The following AFAP1 variants were observed in gnomAD, a reference collection of about 807,000 sequenced individuals.
AFAP1 encodes actin filament-associated protein 1.
Under a neutral mutation model 93.9 loss-of-function variants are expected in AFAP1, and 75 were observed. That is an observed-to-expected ratio of 0.80 (90% confidence interval 0.66 to 0.97). The LOEUF (loss-of-function observed/expected upper bound fraction) is 0.97, where lower values mean the gene tolerates loss of function less well. Ranked by LOEUF, AFAP1 falls within the 50% of genes least tolerant of loss-of-function variation. AFAP1 has a pLI of 0.00. For synonymous variants in AFAP1, 517 were observed against 430.7 expected (o/e 1.20, Z -2.48); for missense variants, 1,201 against 1,050.8 (o/e 1.14, Z -1.98).
chr4:7,868,502 G>T, intron 3 of AFAP1, 120 bp downstream of exon 3: 1 of 774,226 alleles, frequency 1.3e-6, no homozygotes, highest in Non-Finnish European at 2.0e-6. Context: ...TCAAAGGAGT[G>T]CCTCGAGACA....
In AFAP1 at chr4:7,869,388, C is replaced by T. The variant is rs116345655; in HGVS notation, c.128-669G>A. 5.8e-3 allele frequency among the ~76,000 whole-genome samples: 889 copies of T among 152,294 alleles called. 7 individuals are homozygous for T. The highest frequency in any genetic ancestry group is 0.019 in the African/African-American group (776 of 41,550). ...CAACTTCTACTCAGGGCAGGCAGGACTTACCCATGTAGTAATAGGACAGAC... is the reference window on the plus strand; with the variant it reads ...CAACTTCTACTCAGGGCAGGCAGGATTTACCCATGTAGTAATAGGACAGAC... On this transcript the variant is annotated intron_variant, in intron 2 of 17. Coordinates refer to ENST00000420658, the MANE Select transcript of AFAP1 (RefSeq NM_001134647.2).
At chr4:7,848,279 G>T (rs540613165) in intron 4 of AFAP1, among the ~76,000 whole-genome samples, 2 of 151,492 alleles carry the variant, frequency 1.3e-5, no homozygotes, top group African/African-American at 2.4e-5. Flanking sequence ...GATTTATTAG[G>T]GGGGATGGCT....
At chr4:7,916,588 C>T (rs1164677594) in intron 1 of AFAP1, among the ~76,000 whole-genome samples, 1 of 152,180 alleles carries the variant, frequency 6.6e-6, no homozygotes, top group Non-Finnish European at 1.5e-5. Flanking sequence ...CCTCTAGTCC[C>T]AGGATGACTC....
chr4:7,916,202 G>A (rs1720078171), intron 1 of AFAP1, among the ~76,000 whole-genome samples: 1 of 152,176 alleles, frequency 6.6e-6, no homozygotes, highest in Non-Finnish European at 1.5e-5. Flanking sequence ...CACAAAGGAG[G>A]TACCAACTGC....
At chr4:7,816,897 A>G (rs2149066033) in intron 7 of AFAP1, among the ~76,000 whole-genome samples, 1 of 152,348 alleles carries the variant, frequency 6.6e-6, no homozygotes, top group Middle Eastern at 3.4e-3. Context: ...AGCTGCAGTG[A>G]AGAAACCAGT....
At chr4:7,931,912 G>T (rs1206490919) in intron 1 of AFAP1, among the ~76,000 whole-genome samples, 1 of 152,004 alleles carries the variant, frequency 6.6e-6, no homozygotes, top group Non-Finnish European at 1.5e-5. Context: ...CCAGGCTGGA[G>T]TGCAGTGGCG....
intron 11 of AFAP1, among the ~76,000 whole-genome samples, chr4:7,790,023 T>C (rs1221509746): frequency 6.6e-6 from 1 of 152,256 alleles, no homozygotes; most frequent in East Asian, 1.9e-4. Flanking sequence ...ACTTTCCTCT[T>C]TTCAAAATAT....
At position 7,901,358 on chromosome 4, in the gene AFAP1, C is replaced by T. The variant is rs148385941; in HGVS notation, c.-2-29278G>A. Among the ~76,000 whole-genome samples, 1,511 of 152,300 alleles carry T rather than the reference C, an allele frequency of 9.9e-3. 10 individuals carry two copies. The highest frequency in any genetic ancestry group is 0.027 in the South Asian group (131 of 4,818). ...TCACATACTTTTCCATACTTTCCAC[C>T]GAAGATTAAAATATGCAGAGCACCA... is the stretch of plus-strand genomic sequence containing the variant. On this transcript the variant is annotated intron_variant, in intron 1 of 17. Coordinates refer to ENST00000420658, the MANE Select transcript of AFAP1 (RefSeq NM_001134647.2).
chr4:7,828,442 G>C (rs892585952), intron 6 of AFAP1, among the ~76,000 whole-genome samples: 2 of 152,230 alleles, frequency 1.3e-5, no homozygotes, highest in East Asian at 3.8e-4. Context: ...GACACAGGAA[G>C]AGTCTGTCTC....
At chr4:7,928,267 A>C (rs1272678407) in intron 1 of AFAP1, among the ~76,000 whole-genome samples, 1 of 152,176 alleles carries the variant, frequency 6.6e-6, no homozygotes, top group Non-Finnish European at 1.5e-5. Context: ...TCACTTACTC[A>C]ACAACAACAA....
chr4:7,806,672 T>G (rs756492044), intron 9 of AFAP1, among the ~76,000 whole-genome samples: 12 of 151,874 alleles, frequency 7.9e-5, no homozygotes, highest in Non-Finnish European at 1.6e-4. Flanking sequence ...CTGTTGCCCC[T>G]TTATTTTTCT....
rs115936431 is a variant in AFAP1, at chr4:7,927,808, A to G, written c.-3+11848T>C. ...GATAAAAATTTCAGCTTTTTACCCC[A>G]CACATATATTCTTGTATCATCTGAA... On this transcript the variant is annotated intron_variant, in intron 1 of 17. Coordinates refer to ENST00000420658, the MANE Select transcript of AFAP1 (RefSeq NM_001134647.2). Among the ~76,000 whole-genome samples the G allele has an allele frequency of 8.0e-3, 1,215 of 152,310 alleles. 19 individuals are homozygous for G. Among genetic ancestry groups the G allele is most frequent in the African/African-American group, 0.027 (1,135 of 41,550 alleles).
rs773229732 is a variant in AFAP1, at chr4:7,838,618, T to C, written c.632A>G (p.Lys211Arg). The change falls in exon 6 of 18, where the codon AAA (lysine) becomes AGA (arginine). Residue 211 changes from lysine (K) to arginine (R), a missense_variant. Transcript: ENST00000420658. ...AATCTTCAGCTCGTGCTTCTTCTTT[T>C]TGCTGTCTTTCGGGATGTACGTAAT... is the stretch of plus-strand genomic sequence containing the variant. ...CNITYIPKDS[K>R]KKKHELKITQ... 77 of 1,614,056 alleles carry C rather than the reference T, an allele frequency of 4.8e-5. No homozygotes were observed. Among genetic ancestry groups the C allele is most frequent in the Non-Finnish European group, 6.1e-5 (72 of 1,180,038 alleles).
intron 6 of AFAP1, among the ~76,000 whole-genome samples, chr4:7,827,622 A>C (rs530394834): frequency 2.1e-4 from 31 of 148,454 alleles, no homozygotes; most frequent in Middle Eastern, 3.4e-3. Context: ...GCAAGAGAGG[A>C]CGGCCAAAAG....
intron 2 of AFAP1, among the ~76,000 whole-genome samples, chr4:7,871,043 G>C (rs751056719): frequency 1.3e-5 from 2 of 152,004 alleles, no homozygotes; most frequent in Admixed American, 1.3e-4. Context: ...ACTGCCCCTC[G>C]GACCTTCCAC....
chr4:7,818,933 G>T, intron 7 of AFAP1, 143 bp downstream of exon 7: 1 of 717,976 alleles, frequency 1.4e-6, no homozygotes, highest in East Asian at 2.8e-5. Context: ...AAAGCAGGCA[G>T]TTAAAAAGAT....
At position 7,778,532 on chromosome 4, in the gene AFAP1, T is replaced by C. The variant is rs972551212; in HGVS notation, c.1897+230A>G. 9.9e-5 allele frequency: 58 copies of C among 587,138 alleles called. No individual in the cohort carries two copies. In the African/African-American group the frequency reaches 1.1e-3, roughly 11 times the overall value. The allele number at this position is 587,138 out of a possible 1,614,324, so 36.4% of individuals were successfully genotyped here. A position where few individuals can be genotyped will look rare whatever the true frequency, so the allele number is the denominator to read the frequency against. On this transcript the variant is annotated intron_variant, in intron 14 of 17. Coordinates refer to ENST00000420658, the MANE Select transcript of AFAP1 (RefSeq NM_001134647.2). Reference sequence around the variant, plus strand: ...CTCCTATTTTAAAATGCTGAGTCGATCCCACAGGTGGCAAACCAGTTCTGG... The same window carrying C: ...CTCCTATTTTAAAATGCTGAGTCGACCCCACAGGTGGCAAACCAGTTCTGG...
chr4:7,841,382 G>A lies in AFAP1; in HGVS notation c.546+1757C>T, dbSNP rs1458263066. The stretch of plus-strand genomic sequence containing the variant: ...CCCCTCTTCAATGCAGACAGTCCCC[G>A]AGGTGGGCTCACCAGCCCTGCCAAG... On this transcript the variant is annotated intron_variant, in intron 5 of 17. Coordinates refer to ENST00000420658, the MANE Select transcript of AFAP1 (RefSeq NM_001134647.2). 1.1e-4 allele frequency among the ~76,000 whole-genome samples: 17 copies of A among 152,338 alleles called. No homozygotes were observed. The South Asian group carries it at 2.5e-3, about 22-fold the overall frequency.
At chr4:7,927,769 T>C (rs548064063) in intron 1 of AFAP1, among the ~76,000 whole-genome samples, 1 of 152,278 alleles carries the variant, frequency 6.6e-6, no homozygotes, top group Non-Finnish European at 1.5e-5. Flanking sequence ...AATGGTTACT[T>C]CTAGAGAAGG....
Sources: allele counts gnomAD v4.1 joint callset (sites outside exome capture counted in the v4.1 genomes callset), GRCh38; gene constraint gnomAD v4.1.1; transcripts MANE v1.5; gene names NCBI Gene and HGNC (gene_info 2026-07-23, HGNC 2026-07-21).